EZR: variants seen among roughly 807,000 people sequenced by gnomAD.
The protein encoded by EZR is ezrin, also known as cytovillin 2.
A neutral mutation model predicts 74.8 loss-of-function variants in EZR; 40 were observed. The ratio of observed to expected loss-of-function variants is 0.53; its 90% CI spans 0.42 to 0.70. EZR has a LOEUF of 0.70. EZR is among the 30% of genes least tolerant of loss of function. The pLI is 0.00. For missense variants in EZR, 678 were observed against 755.8 expected (o/e 0.90, Z 1.21); for synonymous variants, 341 against 283.3 (o/e 1.20, Z -2.05).
intron 2 of EZR, among the ~76,000 whole-genome samples, chr6:158,798,965 A>T (rs912722194): frequency 7.2e-5 from 11 of 152,142 alleles, no homozygotes; most frequent in Non-Finnish European, 1.3e-4. Flanking sequence ...CAGCACTCTA[A>T]TTACAAAAAT....
At chr6:158,818,294 G>A (rs1025894980) in intron 1 of EZR, 128 bp from the exon 2 acceptor site, 11 of 382,736 alleles carry the variant, frequency 2.9e-5, no homozygotes, top group Admixed American at 2.2e-4. Flanking sequence ...GTGAGTCAGC[G>A]CCCCGCCCAG....
intron 4 of EZR, among the ~76,000 whole-genome samples, chr6:158,786,363 G>A (rs892310341): frequency 1.3e-5 from 2 of 152,212 alleles, no homozygotes; most frequent in Admixed American, 1.3e-4. Flanking sequence ...GACAGAGCAA[G>A]ACTCCATCTC....
At chr6:158,779,563 AAT>A (rs150279731) in intron 7 of EZR, among the ~76,000 whole-genome samples, 3,663 of 152,208 alleles carry the variant, frequency 0.024, 69 homozygotes, top group Middle Eastern at 0.071. Context: ...AGTTTGAAAT[AAT>A]ATATATATTT....
intron 2 of EZR, among the ~76,000 whole-genome samples, chr6:158,800,517 T>C (rs1583580180): frequency 6.6e-6 from 1 of 152,330 alleles, no homozygotes; most frequent in East Asian, 1.9e-4. Context: ...TACATGACGC[T>C]AGGCTGGGCA....
chr6:158,780,759 C>A (rs777117487), intron 7 of EZR, among the ~76,000 whole-genome samples: 1 of 152,074 alleles, frequency 6.6e-6, no homozygotes, highest in Non-Finnish European at 1.5e-5. Flanking sequence ...GTTTTTGGTC[C>A]GAGTGTCAGG....
At chr6:158,808,302 T>C (rs1777384830) in intron 2 of EZR, among the ~76,000 whole-genome samples, 1 of 152,154 alleles carries the variant, frequency 6.6e-6, no homozygotes, top group South Asian at 2.1e-4. Flanking sequence ...CTGCATGCTT[T>C]TTCCAAGCTT....
chr6:158,811,359 T>C (rs1475115021), intron 2 of EZR, among the ~76,000 whole-genome samples: 1 of 148,588 alleles, frequency 6.7e-6, no homozygotes, highest in African/African-American at 2.5e-5. Context: ...CTAACTACCA[T>C]TAGAAAGCAG....
intron 2 of EZR, among the ~76,000 whole-genome samples, chr6:158,803,572 T>A (rs377542873): frequency 2.3e-4 from 2 of 8,728 alleles, no homozygotes; most frequent in Non-Finnish European, 4.6e-4. Context: ...TATATATATA[T>A]ATATATATAC....
Position 158,767,283 on chromosome 6 carries a change from T to C in EZR, c.1574A>G (p.Glu525Gly), listed in dbSNP as rs1308835305. Residue 525 changes from glutamate (E) to glycine (G), a missense_variant, in exon 13 of 14, where the codon GAG becomes GGG. This residue lies in a region of EZR where 342 missense variants were observed against 341.2 expected (regional missense o/e 1.00). Transcript: ENST00000367075. Reference sequence around the variant, plus strand: ...CACCAGCAGCTGCCGCTGCACACGCTCGTTCTTCTCTGCCTCAGTGATGCG... The same window carrying C: ...CACCAGCAGCTGCCGCTGCACACGCCCGTTCTTCTCTGCCTCAGTGATGCG... ...EKRITEAEKN[E>G]RVQRQLLTLS... The C allele has an allele frequency of 4.3e-6, 7 of 1,613,808 alleles. No individual in the cohort carries two copies. The highest frequency in any genetic ancestry group is 2.2e-5 in the East Asian group (1 of 44,854).
At position 158,776,523 on chromosome 6, in the gene EZR, A is replaced by C; in HGVS notation, c.699-19T>G. Reference sequence around the variant, plus strand: ...GGTTAACCTGAGGTTAAAAAGAAGAAGTGGATGGTTAGATGTATACATATG... The same window carrying C: ...GGTTAACCTGAGGTTAAAAAGAAGACGTGGATGGTTAGATGTATACATATG... On this transcript the variant is annotated intron_variant, in intron 7 of 13. Coordinates refer to ENST00000367075, the MANE Select transcript of EZR (RefSeq NM_001111077.2). 1 of 1,568,058 alleles carries C rather than the reference A, an allele frequency of 6.4e-7. No homozygotes were observed. Among genetic ancestry groups the C allele is most frequent in the Non-Finnish European group, 8.8e-7 (1 of 1,142,838 alleles).
In EZR at chr6:158,770,705, C is replaced by T. The variant is rs928481313; in HGVS notation, c.1090+59G>A. 2.5e-6 allele frequency: 4 copies of T among 1,605,500 alleles called. No individual in the cohort carries two copies. The Admixed American group carries it at 6.7e-5, about 27-fold the overall frequency. Reference sequence around the variant, plus strand: ...GGTGAGTGGGTGGGTGGGTGTGGCCCCTGCTACTCTGTGGAAATGCATGAC... The same window carrying T: ...GGTGAGTGGGTGGGTGGGTGTGGCCTCTGCTACTCTGTGGAAATGCATGAC... On this transcript the variant is annotated intron_variant, in intron 10 of 13. Transcript: ENST00000367075.
intron 1 of EZR, among the ~76,000 whole-genome samples, chr6:158,819,046 G>A (rs1190146060): frequency 1.3e-5 from 2 of 152,154 alleles, no homozygotes; most frequent in Admixed American, 1.3e-4. Context: ...AACTGCAACC[G>A]CTCGGGAGCC....
chr6:158,793,996 G>A (rs906427787), intron 2 of EZR, among the ~76,000 whole-genome samples: 1 of 152,178 alleles, frequency 6.6e-6, no homozygotes, highest in South Asian at 2.1e-4. Context: ...AGACTTTGGG[G>A]CCACATGCAG....
At chr6:158,807,343 A>G (rs1382825750) in intron 2 of EZR, among the ~76,000 whole-genome samples, 1 of 151,748 alleles carries the variant, frequency 6.6e-6, no homozygotes, top group Non-Finnish European at 1.5e-5. Context: ...CAAACAAAAA[A>G]GACAAGGCTG....
At chr6:158,791,238 C>CA (rs1270571542) in intron 2 of EZR, among the ~76,000 whole-genome samples, 2 of 152,196 alleles carry the variant, frequency 1.3e-5, no homozygotes, top group African/African-American at 2.4e-5. Context: ...CCACAATCCC[C>CA]AAGTCCAGAA....
chr6:158,798,878 C>T (rs1467434748), intron 2 of EZR, among the ~76,000 whole-genome samples: 4 of 152,142 alleles, frequency 2.6e-5, no homozygotes, highest in Non-Finnish European at 5.9e-5. Flanking sequence ...ATCCGCCCAC[C>T]TCAGTTTCTC....
chr6:158,769,438 C>A lies in EZR; in HGVS notation c.1252-20G>T, dbSNP rs1791025861. ...CGCAGCCTGGGAAGGGAATGCCAAG[C>A]TCACGTCAGTTCTGATATCCTTTCA... On this transcript the variant is annotated intron_variant, in intron 11 of 13. Coordinates refer to ENST00000367075, the MANE Select transcript of EZR (RefSeq NM_001111077.2). 1 of 1,600,032 alleles carries A rather than the reference C, an allele frequency of 6.2e-7. No individual in the cohort carries two copies. The highest frequency in any genetic ancestry group is 2.2e-5 in the East Asian group (1 of 44,866).
At chr6:158,780,244 T>G (rs745949331) in intron 7 of EZR, among the ~76,000 whole-genome samples, 15 of 151,870 alleles carry the variant, frequency 9.9e-5, no homozygotes, top group Admixed American at 2.6e-4. Flanking sequence ...TAGCTGAGTG[T>G]GATAATGTTC....
At chr6:158,810,427 G>A (rs536981058) in intron 2 of EZR, among the ~76,000 whole-genome samples, 2 of 152,272 alleles carry the variant, frequency 1.3e-5, no homozygotes, top group South Asian at 4.1e-4. Flanking sequence ...CCTCTATCAT[G>A]CACTACACTG....
Sources: allele counts gnomAD v4.1 joint callset (sites outside exome capture counted in the v4.1 genomes callset), GRCh38; gene constraint gnomAD v4.1.1; regional missense constraint gnomAD v4.1.1; transcripts MANE v1.5; gene names NCBI Gene and HGNC (gene_info 2026-07-23, HGNC 2026-07-21).